The following MACROH2A2 variants were observed in gnomAD, a reference collection of about 807,000 sequenced individuals.
MACROH2A2 encodes the protein macroH2A.2 histone.
Under a neutral mutation model 37.6 loss-of-function variants are expected in MACROH2A2, and 6 were observed. That is an observed-to-expected ratio of 0.16 (90% confidence interval 0.09 to 0.32). The LOEUF (loss-of-function observed/expected upper bound fraction) is 0.32, where lower values mean the gene tolerates loss of function less well. Among genes scored for constraint, MACROH2A2 ranks in the 10% least tolerant of loss-of-function variants. MACROH2A2 has a pLI of 1.00. For missense variants in MACROH2A2, 290 were observed against 485.9 expected, an observed-to-expected ratio of 0.60 and a Z score of 3.79; for synonymous variants, 192 against 202.7, an observed-to-expected ratio of 0.95 and a Z score of 0.45.
chr10:70,066,109 C>T (rs907529889), intron 1 of MACROH2A2, among the ~76,000 whole-genome samples: 7 of 151,960 alleles, frequency 4.6e-5, no homozygotes, highest in African/African-American at 7.3e-5. Context: ...AGTTCACAGG[C>T]GGGGGGATCA....
intron 1 of MACROH2A2, among the ~76,000 whole-genome samples, chr10:70,071,585 A>G (rs899682461): frequency 6.6e-6 from 1 of 152,188 alleles, no homozygotes; most frequent in Non-Finnish European, 1.5e-5. Context: ...GTTCTGAGAA[A>G]TGCATCGTTA....
intron 5 of MACROH2A2, among the ~76,000 whole-genome samples, chr10:70,095,413 G>C (rs1439104087): frequency 6.6e-6 from 1 of 151,786 alleles, no homozygotes; most frequent in Non-Finnish European, 1.5e-5. Context: ...CCTGTTCCAG[G>C]GAAGAAGAAA....
chr10:70,075,507 C>G lies in MACROH2A2; in HGVS notation c.-59-93C>G, dbSNP rs2072134384. The stretch of plus-strand genomic sequence containing the variant: ...ATTTCAGCTGCCTCCCCAGGGCAGT[C>G]AGAGGTGTCACAGTGGTGCCCAAGG... On this transcript the variant is annotated intron_variant, in intron 1 of 8. Transcript: ENST00000373255. The surrounding 1 kb of genome is among the most constrained non-coding windows in gnomAD (Gnocchi z 5.0). 1.4e-6 allele frequency: 1 copy of G among 705,024 alleles called. No individual in the cohort carries two copies. Among genetic ancestry groups the G allele is most frequent in the African/African-American group, 1.8e-5 (1 of 56,052 alleles). 43.7% of individuals were successfully genotyped at this position (705,024 alleles called of 1,614,324 possible).
At chr10:70,064,999 A>G (rs1455673318) in intron 1 of MACROH2A2, among the ~76,000 whole-genome samples, 1 of 151,886 alleles carries the variant, frequency 6.6e-6, no homozygotes, top group Non-Finnish European at 1.5e-5. Flanking sequence ...ATCTGCCTAT[A>G]ATCATCAATC....
At chr10:70,077,046 T>C (rs2072144096) in intron 2 of MACROH2A2, among the ~76,000 whole-genome samples, 1 of 151,954 alleles carries the variant, frequency 6.6e-6, no homozygotes, top group Non-Finnish European at 1.5e-5. Flanking sequence ...TAAAAGTCCT[T>C]CCCTCCTTTA....
intron 2 of MACROH2A2, among the ~76,000 whole-genome samples, chr10:70,079,623 AAG>A (rs1326906917): frequency 2.5e-4 from 38 of 150,326 alleles, no homozygotes; most frequent in Non-Finnish European, 3.8e-4. Flanking sequence ...GGAGGCATCA[AAG>A]AGAGGTGGCA....
chr10:70,106,948 G>A (rs538124364), intron 7 of MACROH2A2, among the ~76,000 whole-genome samples: 7 of 152,270 alleles, frequency 4.6e-5, no homozygotes, highest in African/African-American at 1.7e-4. Context: ...CCAGGTGCTC[G>A]GGAAGATGGC....
intron 2 of MACROH2A2, among the ~76,000 whole-genome samples, chr10:70,076,666 G>A (rs1286458293): frequency 6.6e-6 from 1 of 152,092 alleles, no homozygotes; most frequent in Non-Finnish European, 1.5e-5. Context: ...CTTTGCCCAA[G>A]GTTAACAAAT....
chr10:70,058,636 T>TTATATATA (rs35874210), intron 1 of MACROH2A2, among the ~76,000 whole-genome samples: 1 of 150,046 alleles, frequency 6.7e-6, no homozygotes, highest in African/African-American at 2.4e-5. Context: ...ACTGCCAATT[T>TTATATATA]TATATATATA....
chr10:70,059,862 T>C (rs945740447), intron 1 of MACROH2A2, among the ~76,000 whole-genome samples: 4 of 152,040 alleles, frequency 2.6e-5, no homozygotes, highest in Admixed American at 2.6e-4. Flanking sequence ...GTGTGGCCAG[T>C]GGCTGGTTAC....
At chr10:70,068,964 G>A (rs1248780696) in intron 1 of MACROH2A2, among the ~76,000 whole-genome samples, 1 of 152,184 alleles carries the variant, frequency 6.6e-6, no homozygotes, top group Admixed American at 6.5e-5. Flanking sequence ...CATAAATACT[G>A]TCTTAGATTG....
rs1241001006 is a variant in MACROH2A2, at chr10:70,100,200, C to T, written c.689-8C>T. ...ACCACAGTGGCTTCCCATTGCTCTC[C>T]TTTGCAGGTAAAGCCTTGGAAAAGG... On this transcript the variant is annotated splice_polypyrimidine_tract_variant and splice_region_variant and intron_variant, in intron 6 of 8. Transcript: ENST00000373255. 1.3e-6 allele frequency: 2 copies of T among 1,542,016 alleles called. No individual in the cohort carries two copies. The highest frequency in any genetic ancestry group is 3.4e-5 in the Admixed American group (2 of 59,510).
rs999791430 is a variant in MACROH2A2 at position 70,053,574 on chromosome 10, G to A, written c.-60+574G>A. 1.3e-5 allele frequency among the ~76,000 whole-genome samples: 2 copies of A among 151,636 alleles called. No homozygotes were observed. The highest frequency in any genetic ancestry group is 2.9e-5 in the Non-Finnish European group (2 of 67,830). The stretch of plus-strand genomic sequence containing the variant: ...GGTTAGGGACCCGAGTCCGGGGGCG[G>A]GCCGCGCCGGGGAAGGTCAGGTCGG... On this transcript the variant is annotated intron_variant, in intron 1 of 8. Coordinates refer to ENST00000373255, the MANE Select transcript of MACROH2A2 (RefSeq NM_018649.3). The surrounding 1 kb of genome is among the most constrained non-coding windows in gnomAD (Gnocchi z 4.8).
At chr10:70,098,793 G>A (rs565318292) in intron 6 of MACROH2A2, 5 of 152,512 alleles carry the variant, frequency 3.3e-5, no homozygotes, top group Admixed American at 3.3e-4. Flanking sequence ...GGCCATTGAT[G>A]CCTCTTCTCT....
chr10:70,098,475 G>A (rs1360003545), intron 6 of MACROH2A2: 1 of 152,122 alleles, frequency 6.6e-6, no homozygotes, highest in Non-Finnish European at 1.5e-5. Context: ...TCCACGCACT[G>A]CAGTTGGTTG....
chr10:70,078,117 C>T (rs1377522792), intron 2 of MACROH2A2, among the ~76,000 whole-genome samples: 1 of 152,186 alleles, frequency 6.6e-6, no homozygotes, highest in Non-Finnish European at 1.5e-5. Context: ...CTTTGGAATC[C>T]CCAGCATCTC....
chr10:70,085,593 A>G lies in MACROH2A2; in HGVS notation c.173-4467A>G, dbSNP rs556503921. Among the ~76,000 whole-genome samples the G allele has an allele frequency of 4.2e-4, 64 of 152,338 alleles. 1 individual carries two copies. In the South Asian group the frequency reaches 0.013, roughly 32 times the overall value. On this transcript the variant is annotated intron_variant, in intron 2 of 8. Coordinates refer to ENST00000373255, the MANE Select transcript of MACROH2A2 (RefSeq NM_018649.3). ...CCACTGTTGGTTTAAATTGTATACA[A>G]AATGAAGGGACATAGACTCTTCCAA...
intron 1 of MACROH2A2, among the ~76,000 whole-genome samples, chr10:70,062,925 A>G (rs2072058095): frequency 6.6e-6 from 1 of 152,170 alleles, no homozygotes; most frequent in Non-Finnish European, 1.5e-5. Context: ...AATCAGGTTC[A>G]GTACACCAAA....
chr10:70,071,156 G>A (rs1192067778), intron 1 of MACROH2A2, among the ~76,000 whole-genome samples: 1 of 152,140 alleles, frequency 6.6e-6, no homozygotes, highest in East Asian at 1.9e-4. Context: ...AGCATTCTCT[G>A]GTGGAAGCAT....
Sources: gnomAD v4.1 joint callset for allele counts (sites outside exome capture counted in the v4.1 genomes callset) on GRCh38, gnomAD v4.1.1 for gene constraint, Gnocchi (gnomAD v3.1) non-coding constraint, MANE v1.5 for transcripts, NCBI Gene and HGNC (gene_info 2026-07-23, HGNC 2026-07-21) for gene names.